Variants in TMEM87A observed in about 807,000 individuals in gnomAD.
TMEM87A encodes the protein transmembrane protein 87A.
Under a neutral mutation model 90.0 loss-of-function variants are expected in TMEM87A, and 50 were observed. That is an observed-to-expected ratio of 0.56 (90% CI 0.44 to 0.70). TMEM87A has a LOEUF of 0.70. Among genes scored for constraint, TMEM87A ranks in the 30% least tolerant of loss-of-function variants. The pLI, the probability that TMEM87A is intolerant of heterozygous loss-of-function variation, is 0.00. For missense variants in TMEM87A, 577 were observed against 660.5 expected (o/e 0.87, Z 1.39); for synonymous variants, 226 against 226.7 (o/e 1.00, Z 0.03).
chr15:42,248,477 G>A (rs2140959283), intron 6 of TMEM87A, among the ~76,000 whole-genome samples: 1 of 152,288 alleles, frequency 6.6e-6, no homozygotes, highest in Non-Finnish European at 1.5e-5. Context: ...AGTTTATTGA[G>A]AGTTTTTAGC....
rs977884200 is a variant in TMEM87A at position 42,211,484 on chromosome 15, G to A, written c.*224C>T. ...GTCTGGGAGGAAAGGGGGCAGCAGTGTTGTAAATAAGAAGCTCGTAGATTT... is the reference window on the plus strand; with the variant it reads ...GTCTGGGAGGAAAGGGGGCAGCAGTATTGTAAATAAGAAGCTCGTAGATTT... On this transcript the variant is annotated 3_prime_UTR_variant, in exon 20 of 20. Coordinates refer to ENST00000389834, the MANE Select transcript of TMEM87A (RefSeq NM_015497.5). The A allele has an allele frequency of 4.2e-6, 2 of 473,728 alleles. No homozygotes were observed. The highest frequency in any genetic ancestry group is 7.5e-6 in the Non-Finnish European group (2 of 265,654). 29.3% of individuals were successfully genotyped at this position (473,728 alleles called of 1,614,324 possible).
intron 15 of TMEM87A, among the ~76,000 whole-genome samples, chr15:42,221,865 C>T (rs1160717573): frequency 6.6e-6 from 1 of 152,138 alleles, no homozygotes; most frequent in Non-Finnish European, 1.5e-5. Context: ...ATCCTCCCAC[C>T]TCAGCCTCCC....
intron 2 of TMEM87A, among the ~76,000 whole-genome samples, chr15:42,269,978 T>G (rs2051485883): frequency 6.7e-6 from 1 of 149,192 alleles, no homozygotes; most frequent in Non-Finnish European, 1.5e-5. Flanking sequence ...GTCCCAGCTA[T>G]TCCATGGAAA....
At chr15:42,267,826 C>T in intron 3 of TMEM87A, 121 bp downstream of exon 3, 1 of 640,436 alleles carries the variant, frequency 1.6e-6, no homozygotes, top group East Asian at 3.1e-5. Context: ...GGGAAGCATG[C>T]ATTCTAGTTT....
chr15:42,233,996 G>C (rs558361688), intron 10 of TMEM87A, among the ~76,000 whole-genome samples: 106 of 150,210 alleles, frequency 7.1e-4, no homozygotes, highest in Non-Finnish European at 1.2e-3. Context: ...TGCCCAGGCT[G>C]GTCTAGAACT....
At chr15:42,252,998 T>C (rs1167172316) in intron 6 of TMEM87A, among the ~76,000 whole-genome samples, 1 of 152,230 alleles carries the variant, frequency 6.6e-6, no homozygotes, top group Non-Finnish European at 1.5e-5. Context: ...AAACCATTTT[T>C]GTAAAGTCTG....
At chr15:42,267,830 C>G in intron 3 of TMEM87A, 117 bp downstream of exon 3, 1 of 688,702 alleles carries the variant, frequency 1.5e-6, no homozygotes, top group Non-Finnish European at 2.2e-6. Context: ...AGCATGCATT[C>G]TAGTTTCAGC....
intron 19 of TMEM87A, among the ~76,000 whole-genome samples, chr15:42,215,697 C>T (rs1167562698): frequency 6.6e-6 from 1 of 152,062 alleles, no homozygotes; most frequent in Non-Finnish European, 1.5e-5. Context: ...CAAGGTGTCA[C>T]GTCACACCTG....
chr15:42,236,566 C>T (rs2050775108), intron 9 of TMEM87A, 147 bp from the exon 10 acceptor site: 1 of 671,710 alleles, frequency 1.5e-6, no homozygotes, highest in Admixed American at 2.6e-5. Context: ...ACAGTTTTTA[C>T]AGGATACAAG....
intron 7 of TMEM87A, 85 bp from the exon 8 acceptor site, chr15:42,239,816 G>A: frequency 8.6e-7 from 1 of 1,157,090 alleles, no homozygotes; most frequent in Non-Finnish European, 1.3e-6. Context: ...AATGAACTTA[G>A]TAAGAATTTC....
At chr15:42,235,329 C>A (rs966584577) in intron 10 of TMEM87A, among the ~76,000 whole-genome samples, 1 of 152,190 alleles carries the variant, frequency 6.6e-6, no homozygotes, top group African/African-American at 2.4e-5. Flanking sequence ...TAAGCCACCA[C>A]GCCTGGCCTT....
chr15:42,214,819 A>G (rs902126588), intron 19 of TMEM87A, among the ~76,000 whole-genome samples: 2 of 152,234 alleles, frequency 1.3e-5, no homozygotes, highest in African/African-American at 4.8e-5. Flanking sequence ...CAAAAGCACA[A>G]AACAAGAGCA....
intron 13 of TMEM87A, among the ~76,000 whole-genome samples, 179 bp downstream of exon 13, chr15:42,228,533 A>AG (rs2050634929): frequency 6.6e-6 from 1 of 152,228 alleles, no homozygotes; most frequent in African/African-American, 2.4e-5. Context: ...TGTACATAAA[A>AG]TAAATGGTTC....
chr15:42,258,758 CA>C, intron 6 of TMEM87A: 1 of 1,419,770 alleles, frequency 7.0e-7, no homozygotes, highest in Non-Finnish European at 9.2e-7. Flanking sequence ...AAAAAATTAA[CA>C]AAGACTGTCA....
intron 6 of TMEM87A, among the ~76,000 whole-genome samples, chr15:42,256,190 G>C (rs1037215322): frequency 3.3e-5 from 5 of 152,086 alleles, no homozygotes; most frequent in Non-Finnish European, 7.4e-5. Context: ...ACCCAGGCTG[G>C]AGTGCAGTGG....
At chr15:42,258,458 C>CAAAAA in intron 6 of TMEM87A, 2 of 570,924 alleles carry the variant, frequency 3.5e-6, no homozygotes, top group Non-Finnish European at 4.4e-6. Context: ...GATGGAATCT[C>CAAAAA]ACTGGCTGCC....
intron 7 of TMEM87A, among the ~76,000 whole-genome samples, chr15:42,242,507 A>T (rs907142249): frequency 2.4e-5 from 2 of 81,942 alleles, no homozygotes; most frequent in Non-Finnish European, 7.7e-5. Flanking sequence ...ATACACATGT[A>T]TGAGTGAGGG....
intron 17 of TMEM87A, 69 bp from the exon 18 acceptor site, chr15:42,218,447 G>A: frequency 6.7e-7 from 1 of 1,485,072 alleles, no homozygotes; most frequent in South Asian, 1.2e-5. Flanking sequence ...AGGACATGAA[G>A]GTCTTAAAAC....
chr15:42,269,938 G>A (rs1357013670), intron 2 of TMEM87A, among the ~76,000 whole-genome samples: 7 of 44,108 alleles, frequency 1.6e-4, no homozygotes, highest in African/African-American at 2.8e-4. Flanking sequence ...GCGAGACTCC[G>A]TCTCAAAAAA....
Sources: gnomAD v4.1 joint callset for allele counts (sites outside exome capture counted in the v4.1 genomes callset) on GRCh38, gnomAD v4.1.1 for gene constraint, MANE v1.5 for transcripts, NCBI Gene and HGNC (gene_info 2026-07-23, HGNC 2026-07-21) for gene names.